The following USP6NL variants were observed in gnomAD, a reference collection of about 807,000 sequenced individuals.
USP6NL encodes the protein USP6 N-terminal like.
USP6NL carries 26 observed loss-of-function variants against 61.9 expected under a neutral mutation model. The observed-to-expected ratio is 0.42, with a 90% CI of 0.31 to 0.58. The LOEUF (loss-of-function observed/expected upper bound fraction) is 0.58, where lower values mean the gene tolerates loss of function less well. Ranked by LOEUF, USP6NL falls within the 20% of genes least tolerant of loss-of-function variation. The probability of loss-of-function intolerance (pLI) is 0.16; values close to 1 mark genes in which losing one functional copy is unlikely to be tolerated. For missense variants in USP6NL, 1,114 were observed against 1,034.3 expected (o/e 1.08, Z -1.06); for synonymous variants, 432 against 390.1 (o/e 1.11, Z -1.27).
At chr10:11,555,431 A>ATATATATATATATAT (rs1169769717) in intron 2 of USP6NL, among the ~76,000 whole-genome samples, 1 of 77,946 alleles carries the variant, frequency 1.3e-5, no homozygotes, top group African/African-American at 5.9e-5. Flanking sequence ...AAAAAAAAAA[A>ATATATATATATATAT]AAATATATAT....
chr10:11,463,764 T>G lies in USP6NL; in HGVS notation c.1164A>C (p.Gly388=). The G allele has an allele frequency of 6.4e-7, 1 of 1,564,228 alleles. No homozygotes were observed. Residue 388 remains glycine (G), a synonymous_variant, in exon 15 of 15, where the codon GGA becomes GGC. Transcript: ENST00000609104. This position sits in a 1 kb window ranked among gnomAD's most constrained non-coding sequence, Gnocchi z 6.3. ...QSWGVHHLSN[G]QRSVGRPSPL... ...GGCTCGGCCGGCCCACGCTCCTCTG[T>G]CCGTTGCTCAAGTGATGGACGCCCC...
Position 11,462,687 on chromosome 10 carries a change from C to G in USP6NL, c.2241G>C (p.Thr747=). ...CATCTCGGGTCCATGATTGTCCCTG[C>G]GTCTCAGGTCTGTATGTATAACTAA... The part of the protein sequence containing the change: ...SEVSYTYRPE[T]QGQSWTRDAS... Residue 747 remains threonine, a synonymous_variant, in exon 15 of 15, where the codon ACG becomes ACC. Transcript: ENST00000609104. The G allele has an allele frequency of 6.2e-7, 1 of 1,613,958 alleles. No homozygotes were observed. The highest frequency in any genetic ancestry group is 1.1e-5 in the South Asian group (1 of 91,084).
At position 11,541,273 on chromosome 10, in the gene USP6NL, A is replaced by ATATG. The variant is rs1322244187; in HGVS notation, c.5-13710_5-13707dup. 3.7e-3 allele frequency among the ~76,000 whole-genome samples: 420 copies of ATATG among 113,434 alleles called. 6 individuals carry two copies. The highest frequency in any genetic ancestry group is 0.011 in the East Asian group (38 of 3,454). 74.4% of individuals were successfully genotyped at this position (113,434 alleles called of 152,430 possible). On this transcript the variant is annotated intron_variant, in intron 2 of 14. Transcript: ENST00000609104. ...TATATATATATATATATATATATAT[A>ATATG]TATGTATGTCACTCTTCAGGAGACC...
rs78942344 is a variant in USP6NL at position 11,587,745 on chromosome 10, C to G, written c.4+9886G>C. ...AGATTTTTATCAAGATAATTCAGAA[C>G]AGGAATTCTACTAAAAGGGATCTCT... On this transcript the variant is annotated intron_variant, in intron 2 of 14. Coordinates refer to ENST00000609104, the MANE Select transcript of USP6NL (RefSeq NM_014688.5). This position sits in a 1 kb window ranked among gnomAD's most constrained non-coding sequence, Gnocchi z 4.5. Among the ~76,000 whole-genome samples, 1,590 of 152,188 alleles carry G rather than the reference C, an allele frequency of 0.01. 27 individuals are homozygous for G. The highest frequency in any genetic ancestry group is 0.035 in the African/African-American group (1,473 of 41,518).
intron 14 of USP6NL, among the ~76,000 whole-genome samples, chr10:11,471,117 G>A (rs184917910): frequency 5.3e-5 from 8 of 152,210 alleles, no homozygotes; most frequent in Admixed American, 2.0e-4. Flanking sequence ...CCCAGGAGGC[G>A]GAGCTTGCAG....
intron 5 of USP6NL, among the ~76,000 whole-genome samples, chr10:11,517,897 G>C (rs187286602): frequency 4.6e-5 from 7 of 152,102 alleles, no homozygotes; most frequent in African/African-American, 1.7e-4. Context: ...CAGAAACAGT[G>C]GGGAGGAAAA....
rs1333955792 is a variant in USP6NL at position 11,510,306 on chromosome 10, A to G, written c.196-631T>C. Among the ~76,000 whole-genome samples, 2 of 152,214 alleles carry G rather than the reference A, an allele frequency of 1.3e-5. No individual in the cohort carries two copies. The highest frequency in any genetic ancestry group is 2.4e-5 in the African/African-American group (1 of 41,462). On this transcript the variant is annotated intron_variant, in intron 5 of 14. Coordinates refer to ENST00000609104, the MANE Select transcript of USP6NL (RefSeq NM_014688.5). The surrounding 1 kb of genome is among the most constrained non-coding windows in gnomAD (Gnocchi z 4.8). ...AAGGGGCAGTCAAATCCACCTAGGC[A>G]TGCCAGAGAAAATGATCCCAAAATG...
intron 14 of USP6NL, among the ~76,000 whole-genome samples, chr10:11,466,003 A>C (rs1832435675): frequency 6.6e-6 from 1 of 152,212 alleles, no homozygotes; most frequent in African/African-American, 2.4e-5. Context: ...CATCAAAAAA[A>C]CAACTGGGCA....
chr10:11,467,443 T>C (rs1175742721), intron 14 of USP6NL, among the ~76,000 whole-genome samples: 2 of 152,218 alleles, frequency 1.3e-5, no homozygotes, highest in Non-Finnish European at 2.9e-5. Flanking sequence ...TGAGAATTTA[T>C]CCTAAGACAA....
At chr10:11,568,758 C>A (rs953231092) in intron 2 of USP6NL, among the ~76,000 whole-genome samples, 1 of 152,134 alleles carries the variant, frequency 6.6e-6, no homozygotes, top group East Asian at 1.9e-4. Context: ...TTTGTCCTTA[C>A]GGTCACATCA....
Position 11,537,874 on chromosome 10 carries a change from C to G in USP6NL, c.5-10307G>C, listed in dbSNP as rs771726809. On this transcript the variant is annotated intron_variant, in intron 2 of 14. Transcript: ENST00000609104. This position sits in a 1 kb window ranked among gnomAD's most constrained non-coding sequence, Gnocchi z 5.1. Reference sequence around the variant, plus strand: ...CTTCCCAGCTGCCACCTCAGCCTCCCTTCAAGGAGTCCCCTTGATTCTCCA... The same window carrying G: ...CTTCCCAGCTGCCACCTCAGCCTCCGTTCAAGGAGTCCCCTTGATTCTCCA... Among the ~76,000 whole-genome samples the G allele has an allele frequency of 1.4e-4, 22 of 152,326 alleles. No homozygotes were observed. Among genetic ancestry groups the G allele is most frequent in the Middle Eastern group, 3.4e-3 (1 of 292 alleles).
At position 11,532,949 on chromosome 10, in the gene USP6NL, A is replaced by AG. The variant is rs1835714406; in HGVS notation, c.5-5383_5-5382insC. ...ACTACAAATTTTTCCATTCTGTTTT[A>AG]TTTACTCCTTCCTTCTTCCCTTCAT... On this transcript the variant is annotated intron_variant, in intron 2 of 14. Transcript: ENST00000609104. This position sits in a 1 kb window ranked among gnomAD's most constrained non-coding sequence, Gnocchi z 4.1. Among the ~76,000 whole-genome samples the AG allele has an allele frequency of 6.6e-6, 1 of 152,160 alleles. No homozygotes were observed. Among genetic ancestry groups the AG allele is most frequent in the African/African-American group, 2.4e-5 (1 of 41,426 alleles).
intron 14 of USP6NL, among the ~76,000 whole-genome samples, chr10:11,469,035 G>A (rs1202032773): frequency 6.6e-6 from 1 of 152,126 alleles, no homozygotes; most frequent in Non-Finnish European, 1.5e-5. Flanking sequence ...CTCTAAGGAA[G>A]AGGGCCTAAT....
chr10:11,473,910 C>A (rs1832862147), intron 14 of USP6NL, among the ~76,000 whole-genome samples: 1 of 152,134 alleles, frequency 6.6e-6, no homozygotes, highest in South Asian at 2.1e-4. Flanking sequence ...TGGAAAGGGG[C>A]AGACCCTGAG....
Position 11,489,226 on chromosome 10 carries a change from G to T in USP6NL, c.544-4C>A. ...TCCCCTGACAATACCCGACTTCCTG[G>T]GGAGCAAAGGGGAACACAGAAGCTG... is the stretch of plus-strand genomic sequence containing the variant. On this transcript the variant is annotated splice_polypyrimidine_tract_variant and splice_region_variant and intron_variant, in intron 9 of 14. Transcript: ENST00000609104. The surrounding 1 kb of genome is among the most constrained non-coding windows in gnomAD (Gnocchi z 5.7). 1 of 1,613,498 alleles carries T rather than the reference G, an allele frequency of 6.2e-7. No homozygotes were observed. Among genetic ancestry groups the T allele is most frequent in the Non-Finnish European group, 8.5e-7 (1 of 1,179,634 alleles).
intron 1 of USP6NL, among the ~76,000 whole-genome samples, chr10:11,599,758 T>C (rs1012963686): frequency 6.7e-6 from 1 of 149,752 alleles, no homozygotes; most frequent in African/African-American, 2.5e-5. Context: ...TGAGACGTAG[T>C]CTCGCTCTGT....
At chr10:11,547,669 T>C (rs944543360) in intron 2 of USP6NL, among the ~76,000 whole-genome samples, 2 of 151,932 alleles carry the variant, frequency 1.3e-5, no homozygotes, top group Non-Finnish European at 2.9e-5. Context: ...GCCTCCCGAG[T>C]AGCTGGGACT....
chr10:11,464,644 T>C (rs1223755566), intron 14 of USP6NL, among the ~76,000 whole-genome samples: 6 of 152,206 alleles, frequency 3.9e-5, no homozygotes, highest in Non-Finnish European at 7.3e-5. Context: ...ACCTGCTCAA[T>C]GTGTTAGATG....
chr10:11,547,698 G>A (rs1225406038), intron 2 of USP6NL, among the ~76,000 whole-genome samples: 10 of 151,974 alleles, frequency 6.6e-5, no homozygotes, highest in East Asian at 1.9e-4. Context: ...CCGCCATCAC[G>A]CCCAGCTAAT....
Sources: gnomAD v4.1 joint callset for allele counts (sites outside exome capture counted in the v4.1 genomes callset) on GRCh38, gnomAD v4.1.1 for gene constraint, Gnocchi (gnomAD v3.1) non-coding constraint, MANE v1.5 for transcripts, NCBI Gene and HGNC (gene_info 2026-07-23, HGNC 2026-07-21) for gene names.